MTOR: variants seen among roughly 807,000 people sequenced by gnomAD.
The protein encoded by MTOR is serine/threonine-protein kinase mTOR.
In MTOR, 70 loss-of-function variants were observed where a neutral mutation model predicts 319.8. That is an observed-to-expected ratio of 0.22 (90% CI 0.18 to 0.27). The LOEUF (loss-of-function observed/expected upper bound fraction) is 0.27. Among genes scored for constraint, MTOR ranks in the 10% least tolerant of loss-of-function variants. The pLI is 1.00. For missense variants in MTOR, 1,890 were observed against 3,274.4 expected, an observed-to-expected ratio of 0.58 and a Z score of 10.32; for synonymous variants, 1,183 against 1,211.4, an observed-to-expected ratio of 0.98 and a Z score of 0.49.
At chr1:11,192,750 A>T (rs1363518500) in intron 28 of MTOR, among the ~76,000 whole-genome samples, 2 of 20,360 alleles carry the variant, frequency 9.8e-5, no homozygotes, top group Admixed American at 1.6e-3. Context: ...ATTTCAATTA[A>T]AAAAAAAAAA....
intron 18 of MTOR, 48 bp from the exon 19 acceptor site, chr1:11,228,966 G>T: frequency 1.2e-6 from 2 of 1,601,504 alleles, no homozygotes; most frequent in South Asian, 2.2e-5. Context: ...GGCATGACGT[G>T]ACTTCAGGCA....
intron 31 of MTOR, 31 bp from the exon 32 acceptor site, chr1:11,146,822 A>G (rs546687572): frequency 1.3e-6 from 2 of 1,558,184 alleles, no homozygotes; most frequent in East Asian, 2.2e-5. Context: ...AGAAAGCATC[A>G]AGGGGGTTGG....
At chr1:11,126,329 C>T (rs1015496731) in intron 46 of MTOR, among the ~76,000 whole-genome samples, 1 of 152,154 alleles carries the variant, frequency 6.6e-6, no homozygotes, top group African/African-American at 2.4e-5. Flanking sequence ...CCTCCCTGGC[C>T]TCATCAGTCT....
intron 11 of MTOR, 55 bp from the exon 12 acceptor site, chr1:11,238,672 G>C: frequency 6.9e-7 from 1 of 1,454,680 alleles, no homozygotes; most frequent in Non-Finnish European, 9.4e-7. Flanking sequence ...TAGACAGGTA[G>C]GTCTGCAGCT....
chr1:11,176,467 G>A (rs12041740), intron 28 of MTOR, among the ~76,000 whole-genome samples: 86,963 of 152,134 alleles, frequency 0.57, 29,169 homozygotes, highest in East Asian at 0.78. Flanking sequence ...GAATGTATGA[G>A]AACACACCCA....
intron 28 of MTOR, among the ~76,000 whole-genome samples, chr1:11,181,316 T>C (rs936842602): frequency 6.6e-6 from 1 of 152,132 alleles, no homozygotes; most frequent in South Asian, 2.1e-4. Flanking sequence ...TAGGAATATG[T>C]ATGCAATATA....
rs370367493 is a variant in MTOR at position 11,117,130 on chromosome 1, A to G, written c.6934-44T>C. Reference sequence around the variant, plus strand: ...TGTGAACTACGGTTCTGGAAACTTTAATTTCAACATAATTATACTCTAATA... The same window carrying G: ...TGTGAACTACGGTTCTGGAAACTTTGATTTCAACATAATTATACTCTAATA... On this transcript the variant is annotated intron_variant, in intron 49 of 57. Coordinates refer to ENST00000361445, the MANE Select transcript of MTOR (RefSeq NM_004958.4). The G allele has an allele frequency of 3.4e-4, 490 of 1,436,304 alleles. 2 individuals are homozygous for G. Among genetic ancestry groups the G allele is most frequent in the African/African-American group, 1.3e-3 (92 of 69,988 alleles). 89.0% of individuals were successfully genotyped at this position (1,436,304 alleles called of 1,614,324 possible). A position where few individuals can be genotyped will look rare whatever the true frequency, so the allele number is the denominator to read the frequency against.
chr1:11,217,178 T>C (rs1474925471), intron 19 of MTOR, among the ~76,000 whole-genome samples: 1 of 152,068 alleles, frequency 6.6e-6, no homozygotes, highest in Admixed American at 6.6e-5. Context: ...AGGGATAGGA[T>C]GAGGAGATTC....
chr1:11,253,117 TCTATC>T (rs758056936), intron 6 of MTOR, among the ~76,000 whole-genome samples: 47 of 152,246 alleles, frequency 3.1e-4, no homozygotes, highest in Non-Finnish European at 5.9e-4. Flanking sequence ...CTAGAACACT[TCTATC>T]CGAATTTTAC....
At chr1:11,155,381 C>T (rs1644286043) in intron 30 of MTOR, among the ~76,000 whole-genome samples, 2 of 151,920 alleles carry the variant, frequency 1.3e-5, no homozygotes, top group African/African-American at 4.8e-5. Context: ...TATAGCACAC[C>T]TTGGCATACT....
chr1:11,110,597 T>C (rs1641810715), intron 54 of MTOR, among the ~76,000 whole-genome samples: 1 of 152,160 alleles, frequency 6.6e-6, no homozygotes, highest in Admixed American at 6.5e-5. Flanking sequence ...GGTTTCTCCA[T>C]GTCGGTCAAG....
chr1:11,189,017 T>C lies in MTOR; in HGVS notation c.4253+10241A>G, dbSNP rs28990989. Among the ~76,000 whole-genome samples the C allele has an allele frequency of 4.4e-4, 67 of 152,334 alleles. 2 individuals are homozygous for C. In the East Asian group the frequency reaches 0.012, roughly 27 times the overall value. ...CTACCTTACGCTCACCCCATGGTTA[T>C]ATAACCTTTTGAACGGAATTTGGAA... is the stretch of plus-strand genomic sequence containing the variant. On this transcript the variant is annotated intron_variant, in intron 28 of 57. Coordinates refer to ENST00000361445, the MANE Select transcript of MTOR (RefSeq NM_004958.4).
In MTOR at chr1:11,208,340, TAA is replaced by T. The variant is rs1397934353; in HGVS notation, c.3801+970_3801+971del. The stretch of plus-strand genomic sequence containing the variant: ...GGTCACTTGAAGCTGTTTGTGTGAG[TAA>T]AGACTCTGAAACAACAGTAATAAAC... On this transcript the variant is annotated intron_variant, in intron 25 of 57. Transcript: ENST00000361445. Among the ~76,000 whole-genome samples the T allele has an allele frequency of 3.9e-5, 6 of 152,232 alleles. 1 individual carries two copies. The highest frequency in any genetic ancestry group is 2.9e-5 in the Non-Finnish European group (2 of 68,042).
chr1:11,173,984 TTG>T (rs899504093), intron 28 of MTOR, among the ~76,000 whole-genome samples: 2 of 152,224 alleles, frequency 1.3e-5, no homozygotes, highest in African/African-American at 4.8e-5. Context: ...ACTGCGCTTA[TTG>T]TTTCTATGTA....
At chr1:11,240,625 T>G in intron 10 of MTOR, 78 bp from the exon 11 acceptor site, 1 of 1,534,290 alleles carries the variant, frequency 6.5e-7, no homozygotes, top group Non-Finnish European at 8.8e-7. Flanking sequence ...CAGCTTTCTC[T>G]CCCAGCAAGG....
At chr1:11,166,186 G>A (rs1450080071) in intron 29 of MTOR, among the ~76,000 whole-genome samples, 2 of 152,166 alleles carry the variant, frequency 1.3e-5, no homozygotes, top group Admixed American at 6.5e-5. Context: ...ATAGGCATGG[G>A]CAAGGACTTC....
chr1:11,107,188 G>GT lies in MTOR; in HGVS notation c.*296dup. 1 of 1,387,392 alleles carries GT rather than the reference G, an allele frequency of 7.2e-7. No individual in the cohort carries two copies. Among genetic ancestry groups the GT allele is most frequent in the Non-Finnish European group, 9.5e-7 (1 of 1,056,458 alleles). 85.9% of individuals were successfully genotyped at this position (1,387,392 alleles called of 1,614,324 possible). On this transcript the variant is annotated 3_prime_UTR_variant, in exon 58 of 58. Transcript: ENST00000361445. ...TCTCTTGTGAGTTAAGTCAAAACCC[G>GT]TATTTCTAAAGTTATGGATCTTCTG...
chr1:11,192,249 C>G (rs759199539), intron 28 of MTOR: 1 of 1,575,376 alleles, frequency 6.3e-7, no homozygotes, highest in Non-Finnish European at 8.7e-7. Flanking sequence ...AATGCTCACC[C>G]TGTGGTTTGT....
intron 19 of MTOR, among the ~76,000 whole-genome samples, chr1:11,220,772 G>A (rs1025250619): frequency 3.9e-5 from 6 of 152,156 alleles, no homozygotes; most frequent in Non-Finnish European, 5.9e-5. Context: ...TTAGCCCAGT[G>A]AGACCTCATG....
Sources: gnomAD v4.1 joint callset for allele counts (sites outside exome capture counted in the v4.1 genomes callset) on GRCh38, gnomAD v4.1.1 for gene constraint, MANE v1.5 for transcripts, NCBI Gene and HGNC (gene_info 2026-07-23, HGNC 2026-07-21) for gene names.